Variants in AGAP3 observed in about 807,000 individuals in gnomAD.
AGAP3 encodes the protein arf-GAP with GTPase, ANK repeat and PH domain-containing protein 3.
Under a neutral mutation model 96.9 loss-of-function variants are expected in AGAP3, and 24 were observed. That is an observed-to-expected ratio of 0.25 (90% CI 0.18 to 0.35). The LOEUF (loss-of-function observed/expected upper bound fraction) is 0.35. Ranked by LOEUF, AGAP3 falls within the 10% of genes least tolerant of loss-of-function variation. AGAP3 has a pLI of 1.00. For missense variants in AGAP3, 876 were observed against 1,254.2 expected (o/e 0.70, Z 4.55); for synonymous variants, 563 against 536.1 (o/e 1.05, Z -0.69).
chr7:151,138,030 G>A (rs912544239), intron 11 of AGAP3, 113 bp from the exon 12 acceptor site: 8 of 859,638 alleles, frequency 9.3e-6, no homozygotes, highest in Non-Finnish European at 1.3e-5. Context: ...GATGAACCCA[G>A]TGCCCTGCTG....
rs879128969 is a variant in AGAP3, at chr7:151,142,306, C to T, written c.2050+53C>T. 4.9e-5 allele frequency: 78 copies of T among 1,603,924 alleles called. No individual in the cohort carries two copies. The Middle Eastern group carries it at 5.0e-4, about 10-fold the overall frequency. The stretch of plus-strand genomic sequence containing the variant: ...GCTGGGGATGGCCCAGGGAAAGCTT[C>T]GCAAGCATCAGGGAGCAGGGAAGAG... On this transcript the variant is annotated intron_variant, in intron 15 of 17. Coordinates refer to ENST00000397238, the MANE Select transcript of AGAP3 (RefSeq NM_031946.7). The surrounding 1 kb of genome is among the most constrained non-coding windows in gnomAD (Gnocchi z 7.5).
intron 1 of AGAP3, among the ~76,000 whole-genome samples, chr7:151,101,915 G>A (rs1453726955): frequency 3.3e-5 from 5 of 152,174 alleles, no homozygotes; most frequent in African/African-American, 7.2e-5. Flanking sequence ...GGAGCCATGC[G>A]GGGGTGAGGG....
At chr7:151,097,188 G>A (rs1183391842) in intron 1 of AGAP3, among the ~76,000 whole-genome samples, 1 of 152,044 alleles carries the variant, frequency 6.6e-6, no homozygotes, top group East Asian at 1.9e-4. Context: ...AATTGTATAA[G>A]TTCTTATGTT....
At chr7:151,129,894 G>GCC (rs1800338280) in intron 10 of AGAP3, among the ~76,000 whole-genome samples, 4 of 152,220 alleles carry the variant, frequency 2.6e-5, no homozygotes, top group Non-Finnish European at 5.9e-5. Context: ...GAAGACAAGG[G>GCC]GAGCCCCAGT....
chr7:151,088,964 C>T (rs553439560), intron 1 of AGAP3, among the ~76,000 whole-genome samples: 8 of 152,250 alleles, frequency 5.3e-5, no homozygotes, highest in South Asian at 4.2e-4. Context: ...TCCCGGGAGC[C>T]GGTGTCTCAC....
chr7:151,086,773 C>A lies in AGAP3; in HGVS notation c.32C>A (p.Pro11Gln). ...TTCCAGGCGGGCGGGGGGCAGAGCC[C>A]GCAGCAGCAGCAGAGCCTGGCGGCT... MNFQAGGGQS[P>Q]QQQQSLAAPG... Residue 11 changes from proline to glutamine, a missense_variant, in exon 1 of 18, where the codon CCG (proline) becomes CAG (glutamine). Coordinates refer to ENST00000397238, the MANE Select transcript of AGAP3 (RefSeq NM_031946.7). 1.0e-6 allele frequency: 1 copy of A among 962,732 alleles called. No individual in the cohort carries two copies. The highest frequency in any genetic ancestry group is 1.2e-6 in the Non-Finnish European group (1 of 816,202). 59.6% of individuals were successfully genotyped at this position (962,732 alleles called of 1,614,324 possible). A position where few individuals can be genotyped will look rare whatever the true frequency, so the allele number is the denominator to read the frequency against.
Position 151,141,164 on chromosome 7 carries a change from G to A in AGAP3, c.1805-734G>A, listed in dbSNP as rs1293793784. 6.6e-6 allele frequency: 1 copy of A among 152,378 alleles called. No individual in the cohort carries two copies. The highest frequency in any genetic ancestry group is 1.5e-5 in the Non-Finnish European group (1 of 68,210). 9.4% of individuals were successfully genotyped at this position (152,378 alleles called of 1,614,324 possible). On this transcript the variant is annotated intron_variant, in intron 13 of 17. Coordinates refer to ENST00000397238, the MANE Select transcript of AGAP3 (RefSeq NM_031946.7). The surrounding 1 kb of genome is among the most constrained non-coding windows in gnomAD (Gnocchi z 4.2). ...TGCTTGTTAGGAATTGTTCACCCAT[G>A]GGGCAGTGACCATTGGGAATGAGAT...
At chr7:151,126,342 G>A (rs1011145225) in intron 9 of AGAP3, among the ~76,000 whole-genome samples, 34 of 142,876 alleles carry the variant, frequency 2.4e-4, no homozygotes, top group Non-Finnish European at 4.4e-4. Flanking sequence ...GGCCGCTGGA[G>A]ATGGGAGCAG....
Position 151,139,941 on chromosome 7 carries a change from C to G in AGAP3, c.1667-38C>G, listed in dbSNP as rs1019326600. The G allele has an allele frequency of 2.0e-6, 3 of 1,476,600 alleles. No individual in the cohort carries two copies. The highest frequency in any genetic ancestry group is 2.7e-6 in the Non-Finnish European group (3 of 1,109,674). 91.5% of individuals were successfully genotyped at this position (1,476,600 alleles called of 1,614,324 possible). A position where few individuals can be genotyped will look rare whatever the true frequency, so the allele number is the denominator to read the frequency against. ...CCTGCGCCCCTCCCCTCCTCTGCCTCCCTTCTTCCCACACTTCTCCAACTC... is the reference window on the plus strand; with the variant it reads ...CCTGCGCCCCTCCCCTCCTCTGCCTGCCTTCTTCCCACACTTCTCCAACTC... On this transcript the variant is annotated intron_variant, in intron 12 of 17. Transcript: ENST00000397238. This position sits in a 1 kb window ranked among gnomAD's most constrained non-coding sequence, Gnocchi z 4.9.
chr7:151,135,880 A>G (rs989387017), intron 11 of AGAP3, among the ~76,000 whole-genome samples: 3 of 152,192 alleles, frequency 2.0e-5, no homozygotes, highest in African/African-American at 7.2e-5. Flanking sequence ...CTAGGGTTCA[A>G]CCTAACTGTG....
At chr7:151,099,597 G>A (rs970114794) in intron 1 of AGAP3, among the ~76,000 whole-genome samples, 1 of 152,204 alleles carries the variant, frequency 6.6e-6, no homozygotes, top group Admixed American at 6.5e-5. Flanking sequence ...CCTGTGCCAG[G>A]TGGGAGGGTG....
chr7:151,098,733 C>CTTTT (rs34617813), intron 1 of AGAP3, among the ~76,000 whole-genome samples: 50 of 116,102 alleles, frequency 4.3e-4, no homozygotes, highest in Non-Finnish European at 6.0e-4. Flanking sequence ...ATTTTCTTTT[C>CTTTT]TTTTTTTTTT....
At chr7:151,130,640 A>G (rs1259873381) in intron 10 of AGAP3, among the ~76,000 whole-genome samples, 1 of 151,950 alleles carries the variant, frequency 6.6e-6, no homozygotes, top group Admixed American at 6.5e-5. Flanking sequence ...CTTAGAATTC[A>G]CCCTGCAAGG....
At position 151,123,134 on chromosome 7, in the gene AGAP3, C is replaced by T. The variant is rs1799992651; in HGVS notation, c.1129-660C>T. The T allele has an allele frequency of 4.5e-6, 5 of 1,103,102 alleles. 1 individual carries two copies. The South Asian group carries it at 1.5e-4, about 33-fold the overall frequency. The allele number at this position is 1,103,102 out of a possible 1,614,324, so 68.3% of individuals were successfully genotyped here. A position where few individuals can be genotyped will look rare whatever the true frequency, so the allele number is the denominator to read the frequency against. On this transcript the variant is annotated intron_variant, in intron 8 of 17. Coordinates refer to ENST00000397238, the MANE Select transcript of AGAP3 (RefSeq NM_031946.7). ...CTGCTCCTGGGGGGCGCTTTCCTGC[C>T]CCTCCCCTCCTCTGCTCCTTCCTGC...
In AGAP3 at chr7:151,086,764, G is replaced by T; in HGVS notation, c.23G>T (p.Gly8Val). The change falls in exon 1 of 18, where the codon GGG becomes GTG. Residue 8 changes from glycine to valine, a missense_variant. Coordinates refer to ENST00000397238, the MANE Select transcript of AGAP3 (RefSeq NM_031946.7). MNFQAGG[G>V]QSPQQQQSLA... Reference sequence around the variant, plus strand: ...GCCATGAACTTCCAGGCGGGCGGGGGGCAGAGCCCGCAGCAGCAGCAGAGC... The same window carrying T: ...GCCATGAACTTCCAGGCGGGCGGGGTGCAGAGCCCGCAGCAGCAGCAGAGC... The T allele has an allele frequency of 2.1e-6, 2 of 967,722 alleles. No individual in the cohort carries two copies. Among genetic ancestry groups the T allele is most frequent in the Non-Finnish European group, 2.4e-6 (2 of 819,770 alleles). 59.9% of individuals were successfully genotyped at this position (967,722 alleles called of 1,614,324 possible).
chr7:151,122,627 T>C (rs1585086326), intron 8 of AGAP3: 1 of 1,438,176 alleles, frequency 7.0e-7, no homozygotes, highest in East Asian at 2.4e-5. Context: ...CTGCCGCCGC[T>C]CCCCAGGCGC....
rs34304383 is a variant in AGAP3 at position 151,090,236 on chromosome 7, T to TGG, written c.331+3175_331+3176dup. The TGG allele has an allele frequency of 2.8e-3, 326 of 116,714 alleles. 2 individuals carry two copies. Among genetic ancestry groups the TGG allele is most frequent in the African/African-American group, 8.2e-3 (280 of 34,060 alleles). The allele number at this position is 116,714 out of a possible 1,614,324, so 7.2% of individuals were successfully genotyped here. A position where few individuals can be genotyped will look rare whatever the true frequency, so the allele number is the denominator to read the frequency against. ...GGGATCCCTGCTGGCAGTTCCCAGA[T>TGG]GGGGGGGGGGGGCTCCCGCCTGGAA... On this transcript the variant is annotated intron_variant, in intron 1 of 17. Coordinates refer to ENST00000397238, the MANE Select transcript of AGAP3 (RefSeq NM_031946.7).
rs1800836440 is a variant in AGAP3 at position 151,142,109 on chromosome 7, G to C, written c.1960-54G>C. On this transcript the variant is annotated intron_variant, in intron 14 of 17. Coordinates refer to ENST00000397238, the MANE Select transcript of AGAP3 (RefSeq NM_031946.7). This position sits in a 1 kb window ranked among gnomAD's most constrained non-coding sequence, Gnocchi z 7.5. The stretch of plus-strand genomic sequence containing the variant: ...CACCTGGCTGGGGTGGGACTGAAAG[G>C]GGCCTCATGACTGACCAACCGCCCC... 2 of 1,607,940 alleles carry C rather than the reference G, an allele frequency of 1.2e-6. No homozygotes were observed. Among genetic ancestry groups the C allele is most frequent in the Admixed American group, 1.7e-5 (1 of 59,802 alleles).
chr7:151,123,973 T>G, intron 9 of AGAP3, 87 bp downstream of exon 9: 1 of 1,347,752 alleles, frequency 7.4e-7, no homozygotes, highest in Non-Finnish European at 1.0e-6. Flanking sequence ...CAGGCCTCTG[T>G]GATGGGGGAG....
Sources: gnomAD v4.1 joint callset for allele counts (sites outside exome capture counted in the v4.1 genomes callset) on GRCh38, gnomAD v4.1.1 for gene constraint, Gnocchi (gnomAD v3.1) non-coding constraint, MANE v1.5 for transcripts, NCBI Gene and HGNC (gene_info 2026-07-23, HGNC 2026-07-21) for gene names.